Variants in MSRB3 observed in about 807,000 individuals in gnomAD.
MSRB3 encodes methionine sulfoxide reductase B3.
MSRB3 carries 13 observed loss-of-function variants against 21.0 expected under a neutral mutation model. That is an observed-to-expected ratio of 0.62 (90% CI 0.40 to 0.98). MSRB3 has a LOEUF of 0.98. Ranked by LOEUF, MSRB3 falls within the 50% of genes least tolerant of loss-of-function variation. MSRB3 has a pLI of 0.00. For missense variants in MSRB3, 199 were observed against 230.3 expected, an observed-to-expected ratio of 0.86 and a Z score of 0.88; for synonymous variants, 87 against 88.6, an observed-to-expected ratio of 0.98 and a Z score of 0.10.
chr12:65,431,434 T>C (rs1881873170), intron 5 of MSRB3, among the ~76,000 whole-genome samples: 1 of 152,066 alleles, frequency 6.6e-6, no homozygotes, highest in African/African-American at 2.4e-5. Context: ...TTTCTGTGAA[T>C]ACATCCCAGC....
intron 5 of MSRB3, among the ~76,000 whole-genome samples, chr12:65,383,081 T>A (rs1397794658): frequency 6.6e-6 from 1 of 152,212 alleles, no homozygotes; most frequent in African/African-American, 2.4e-5. Flanking sequence ...GAACTATATG[T>A]ACATTATGAT....
intron 4 of MSRB3, among the ~76,000 whole-genome samples, chr12:65,355,240 T>C (rs1877315151): frequency 6.6e-6 from 1 of 151,848 alleles, no homozygotes; most frequent in Non-Finnish European, 1.5e-5. Flanking sequence ...GATTAGCTAG[T>C]TTCTTAGCTT....
intron 5 of MSRB3, among the ~76,000 whole-genome samples, chr12:65,433,200 G>A (rs1475440695): frequency 6.6e-6 from 1 of 151,792 alleles, no homozygotes; most frequent in Non-Finnish European, 1.5e-5. Context: ...ATTCATAGTA[G>A]CCAAAAGGTA....
intron 2 of MSRB3, among the ~76,000 whole-genome samples, chr12:65,322,674 AAAAAAAAG>A (rs1874757238): frequency 6.6e-6 from 1 of 151,512 alleles, no homozygotes; most frequent in Non-Finnish European, 1.5e-5. Flanking sequence ...AAAAAAAAAA[AAAAAAAAG>A]AAGAAGAAAG....
intron 5 of MSRB3, among the ~76,000 whole-genome samples, chr12:65,438,167 T>C (rs1051169034): frequency 6.6e-6 from 1 of 151,960 alleles, no homozygotes; most frequent in Non-Finnish European, 1.5e-5. Flanking sequence ...GGAATTCATG[T>C]CTAGTCCCCA....
intron 5 of MSRB3, among the ~76,000 whole-genome samples, chr12:65,391,691 A>T (rs1879490345): frequency 6.6e-6 from 1 of 152,232 alleles, no homozygotes; most frequent in African/African-American, 2.4e-5. Flanking sequence ...ACATTTTACT[A>T]TAGAAACAAC....
intron 5 of MSRB3, among the ~76,000 whole-genome samples, chr12:65,453,268 C>T (rs1882938162): frequency 6.6e-6 from 1 of 152,060 alleles, no homozygotes. Context: ...TTTAACTATC[C>T]AAACTAGGTA....
chr12:65,297,901 A>G (rs894112154), intron 1 of MSRB3, among the ~76,000 whole-genome samples: 1 of 152,182 alleles, frequency 6.6e-6, no homozygotes, highest in Non-Finnish European at 1.5e-5. Context: ...TGGAAATAAA[A>G]TTGACAGCAC....
intron 5 of MSRB3, among the ~76,000 whole-genome samples, chr12:65,449,586 C>T (rs1484538176): frequency 2.0e-5 from 3 of 152,156 alleles, no homozygotes; most frequent in South Asian, 2.1e-4. Flanking sequence ...GACCCATCAC[C>T]CAAACCCAGT....
intron 1 of MSRB3, chr12:65,284,309 T>G (rs1413979285): frequency 6.6e-6 from 1 of 152,104 alleles, no homozygotes; most frequent in East Asian, 1.9e-4. Flanking sequence ...AATAAAGAAG[T>G]GTTTTGAGAG....
chr12:65,322,180 C>T (rs1874715434), intron 2 of MSRB3, among the ~76,000 whole-genome samples: 1 of 152,074 alleles, frequency 6.6e-6, no homozygotes. Flanking sequence ...GTCACTGACC[C>T]TATGTTGAAG....
Position 65,278,842 on chromosome 12 carries a change from C to G in MSRB3, c.-75C>G. 1.3e-6 allele frequency: 2 copies of G among 1,564,516 alleles called. No individual in the cohort carries two copies. The highest frequency in any genetic ancestry group is 1.7e-6 in the Non-Finnish European group (2 of 1,154,376). On this transcript the variant is annotated 5_prime_UTR_variant, in exon 1 of 7. Transcript: ENST00000308259. ...CTCTGCCTCTGCCTCTGCCTGGCCGCGGCTCTGGGAAGTGCGCAGTCCGGT... is the reference window on the plus strand; with the variant it reads ...CTCTGCCTCTGCCTCTGCCTGGCCGGGGCTCTGGGAAGTGCGCAGTCCGGT...
At chr12:65,420,359 G>A (rs1334568766) in intron 5 of MSRB3, among the ~76,000 whole-genome samples, 2 of 150,800 alleles carry the variant, frequency 1.3e-5, no homozygotes, top group South Asian at 2.1e-4. Flanking sequence ...CTTATGATTG[G>A]TCTGGCTATA....
chr12:65,312,002 C>T (rs575070725), intron 2 of MSRB3, among the ~76,000 whole-genome samples: 124 of 152,004 alleles, frequency 8.2e-4, no homozygotes, highest in African/African-American at 2.8e-3. Context: ...ATTTTTCTCT[C>T]GCAGAATTTC....
chr12:65,456,503 A>G (rs1013430159), intron 6 of MSRB3, among the ~76,000 whole-genome samples: 2 of 152,200 alleles, frequency 1.3e-5, no homozygotes, highest in Non-Finnish European at 2.9e-5. Context: ...CAATGCCAAA[A>G]TTAGGCAACA....
chr12:65,390,229 T>C (rs1398824904), intron 5 of MSRB3, among the ~76,000 whole-genome samples: 2 of 152,124 alleles, frequency 1.3e-5, no homozygotes, highest in Non-Finnish European at 2.9e-5. Context: ...GAAGATAAAC[T>C]CAAGTCATAC....
chr12:65,307,679 TAA>T (rs1873739088), intron 1 of MSRB3, among the ~76,000 whole-genome samples: 1 of 152,098 alleles, frequency 6.6e-6, no homozygotes, highest in Non-Finnish European at 1.5e-5. Flanking sequence ...AACTTTTCTC[TAA>T]AGTTTAATAT....
chr12:65,292,541 C>T (rs1454757744), intron 1 of MSRB3, among the ~76,000 whole-genome samples: 1 of 152,096 alleles, frequency 6.6e-6, no homozygotes, highest in Admixed American at 6.6e-5. Context: ...AGTTCTTTCT[C>T]CTTCAACTCA....
intron 4 of MSRB3, among the ~76,000 whole-genome samples, chr12:65,339,679 T>C (rs1876014358): frequency 6.6e-6 from 1 of 152,236 alleles, no homozygotes; most frequent in Non-Finnish European, 1.5e-5. Flanking sequence ...TTCATTTAAT[T>C]ATAAATTTAC....
Sources: allele counts gnomAD v4.1 joint callset (sites outside exome capture counted in the v4.1 genomes callset), GRCh38; gene constraint gnomAD v4.1.1; transcripts MANE v1.5; gene names NCBI Gene and HGNC (gene_info 2026-07-23, HGNC 2026-07-21).